Variants in AFG1L observed in about 807,000 individuals in gnomAD.
AFG1L encodes AFG1 like ATPase, also known as AFG1-like ATPase.
A neutral mutation model predicts 62.2 loss-of-function variants in AFG1L; 53 were observed. That is an observed-to-expected ratio of 0.85 (90% confidence interval 0.68 to 1.07). The LOEUF is 1.07. AFG1L is among the 50% of genes least tolerant of loss of function. The pLI is 0.00. For synonymous variants in AFG1L, 228 were observed against 210.3 expected, an observed-to-expected ratio of 1.08 and a Z score of -0.73; for missense variants, 555 against 590.5, an observed-to-expected ratio of 0.94 and a Z score of 0.62.
At chr6:108,447,094 T>C in intron 7 of AFG1L, 120 bp from the exon 8 acceptor site, 1 of 445,012 alleles carries the variant, frequency 2.2e-6, no homozygotes. Context: ...TCTTGTCATC[T>C]CATTATATTA....
At chr6:108,344,772 C>T (rs1383848045) in intron 2 of AFG1L, 2 of 470,986 alleles carry the variant, frequency 4.2e-6, no homozygotes, top group African/African-American at 4.0e-5. Flanking sequence ...GTTTTTTGCA[C>T]AGGTGTTAGG....
rs1772237873 is a variant in AFG1L, at chr6:108,455,958, AG to A, written c.890+8665del. Among the ~76,000 whole-genome samples the A allele has an allele frequency of 2.6e-5, 4 of 152,306 alleles. No homozygotes were observed. The South Asian group carries it at 8.3e-4, about 32-fold the overall frequency. On this transcript the variant is annotated intron_variant, in intron 8 of 12. Coordinates refer to ENST00000368977, the MANE Select transcript of AFG1L (RefSeq NM_145315.5). Reference sequence around the variant, plus strand: ...AGGCCATTGGGTCAAGTTGGTTGACAGGGTTGTTCAAGTCTCCTATATTCTT... The same window carrying A: ...AGGCCATTGGGTCAAGTTGGTTGACAGGTTGTTCAAGTCTCCTATATTCTT...
chr6:108,344,896 C>T (rs1312817998), intron 2 of AFG1L: 1 of 434,072 alleles, frequency 2.3e-6, no homozygotes, highest in Non-Finnish European at 4.8e-6. Flanking sequence ...ATCTCCAGAG[C>T]CCTTCAGTTT....
intron 8 of AFG1L, among the ~76,000 whole-genome samples, chr6:108,474,199 G>A (rs2114808723): frequency 6.6e-6 from 1 of 152,264 alleles, no homozygotes; most frequent in African/African-American, 2.4e-5. Context: ...CCATGTGCCT[G>A]CAAAGGACGT....
intron 1 of AFG1L, among the ~76,000 whole-genome samples, chr6:108,306,668 A>G (rs1033220895): frequency 6.6e-6 from 1 of 152,070 alleles, no homozygotes; most frequent in Non-Finnish European, 1.5e-5. Flanking sequence ...GGATGCTGGG[A>G]TGTATGCTAA....
intron 8 of AFG1L, among the ~76,000 whole-genome samples, chr6:108,466,773 T>A (rs1448362527): frequency 3.4e-5 from 5 of 148,004 alleles, no homozygotes; most frequent in Admixed American, 6.8e-5. Context: ...ATATATATTT[T>A]AAAAAATATA....
intron 1 of AFG1L, among the ~76,000 whole-genome samples, chr6:108,316,268 C>G (rs1458257420): frequency 7.0e-6 from 1 of 143,054 alleles, no homozygotes; most frequent in Non-Finnish European, 1.5e-5. Flanking sequence ...GTAGTCCCAG[C>G]TACTTGGGAG....
rs143028959 is a variant in AFG1L, at chr6:108,386,901, T to C, written c.749-15095T>C. 2.6e-5 allele frequency among the ~76,000 whole-genome samples: 4 copies of C among 152,230 alleles called. No individual in the cohort carries two copies. The East Asian group carries it at 5.8e-4, about 22-fold the overall frequency. ...GAACAACAACTAAAATAAAGGCTGA[T>C]AGATTAAATTAAAAAGGAATTTTAA... On this transcript the variant is annotated intron_variant, in intron 6 of 12. Transcript: ENST00000368977.
At chr6:108,519,661 A>C in intron 11 of AFG1L, 36 bp from the exon 12 acceptor site, 1 of 1,087,900 alleles carries the variant, frequency 9.2e-7, no homozygotes, top group South Asian at 1.3e-5. Context: ...GTGAAATGTA[A>C]AGAGTAACAC....
At chr6:108,333,750 C>T (rs1046525380) in intron 2 of AFG1L, among the ~76,000 whole-genome samples, 2 of 152,012 alleles carry the variant, frequency 1.3e-5, no homozygotes, top group African/African-American at 4.8e-5. Flanking sequence ...TGGAATGTTG[C>T]TTAGCATGGG....
intron 10 of AFG1L, among the ~76,000 whole-genome samples, chr6:108,503,144 C>T (rs746468991): frequency 4.8e-4 from 73 of 152,318 alleles, no homozygotes; most frequent in Non-Finnish European, 9.4e-4. Flanking sequence ...GAATCCTCTT[C>T]TTCTAAACTC....
rs533780033 is a variant in AFG1L at position 108,447,363 on chromosome 6, C to A, written c.890+67C>A. Reference sequence around the variant, plus strand: ...ATCAGAAAAAGAACATAAAAATAAGCAGTTTAATTATTGGAACGTGAAAGG... The same window carrying A: ...ATCAGAAAAAGAACATAAAAATAAGAAGTTTAATTATTGGAACGTGAAAGG... On this transcript the variant is annotated intron_variant, in intron 8 of 12. Transcript: ENST00000368977. The A allele has an allele frequency of 1.8e-4, 179 of 973,560 alleles. 1 individual carries two copies. Among genetic ancestry groups the A allele is most frequent in the Middle Eastern group, 1.8e-3 (8 of 4,562 alleles). The allele number at this position is 973,560 out of a possible 1,614,324, so 60.3% of individuals were successfully genotyped here.
intron 2 of AFG1L, chr6:108,344,991 T>C (rs1413501520): frequency 6.0e-6 from 2 of 335,006 alleles, no homozygotes; most frequent in African/African-American, 4.5e-5. Flanking sequence ...ACAAGCTTTT[T>C]TCCCTCTCAG....
intron 7 of AFG1L, among the ~76,000 whole-genome samples, chr6:108,402,386 C>T (rs1486737860): frequency 4.7e-5 from 7 of 150,510 alleles, no homozygotes; most frequent in African/African-American, 1.5e-4. Context: ...ATCATTTGAA[C>T]CCTGGAGGCG....
At chr6:108,379,383 A>G (rs773588345) in intron 6 of AFG1L, among the ~76,000 whole-genome samples, 8 of 152,180 alleles carry the variant, frequency 5.3e-5, no homozygotes, top group Non-Finnish European at 1.0e-4. Context: ...GATGGCATGC[A>G]CAGGTGAGAG....
chr6:108,371,434 G>T (rs1387735701), intron 6 of AFG1L, among the ~76,000 whole-genome samples: 1 of 152,016 alleles, frequency 6.6e-6, no homozygotes, highest in East Asian at 1.9e-4. Context: ...AAATGAGTTG[G>T]GCCTGGTGGC....
chr6:108,483,581 T>G (rs754930054), intron 10 of AFG1L, among the ~76,000 whole-genome samples: 8 of 152,210 alleles, frequency 5.3e-5, no homozygotes, highest in African/African-American at 1.7e-4. Context: ...AATATAATTT[T>G]TACACCTGCA....
chr6:108,475,435 G>T (rs982969966), intron 8 of AFG1L, among the ~76,000 whole-genome samples: 1 of 152,100 alleles, frequency 6.6e-6, no homozygotes, highest in African/African-American at 2.4e-5. Context: ...ACCAAAGGTG[G>T]TGTTGGTTCC....
intron 2 of AFG1L, among the ~76,000 whole-genome samples, chr6:108,340,195 C>T (rs1270540528): frequency 6.6e-6 from 1 of 151,888 alleles, no homozygotes; most frequent in African/African-American, 2.4e-5. Flanking sequence ...ATGTAATGAC[C>T]TCCAGTTTCA....
Sources: allele counts gnomAD v4.1 joint callset (sites outside exome capture counted in the v4.1 genomes callset), GRCh38; gene constraint gnomAD v4.1.1; transcripts MANE v1.5; gene names NCBI Gene and HGNC (gene_info 2026-07-23, HGNC 2026-07-21).